The following CFAP95 variants were observed in gnomAD, a reference collection of about 807,000 sequenced individuals.
CFAP95 encodes cilia and flagella associated protein 95.
chr9:69,873,393 G>C, the CFAP95 span, among the ~76,000 whole-genome samples: 1 of 152,090 alleles, frequency 6.6e-6, no homozygotes, highest in East Asian at 1.9e-4. Context: ...CGGCATGTCT[G>C]TATCAGCTCA....
At chr9:69,843,557 C>CCTTCTTCTTCTTCTT in the CFAP95 span, among the ~76,000 whole-genome samples, 8 of 14,720 alleles carry the variant, frequency 5.4e-4, 1 homozygote, top group Non-Finnish European at 7.4e-4. Flanking sequence ...TCCTCCTCCT[C>CCTTCTTCTTCTTCTT]CTTCTTCTTC....
At chr9:69,856,254 A>G in the CFAP95 span, among the ~76,000 whole-genome samples, 1 of 152,236 alleles carries the variant, frequency 6.6e-6, no homozygotes, top group East Asian at 1.9e-4. Flanking sequence ...AAAATATACC[A>G]ACCCTGAAAA....
the CFAP95 span, among the ~76,000 whole-genome samples, chr9:69,881,746 G>T: frequency 5.7e-3 from 862 of 152,198 alleles, 13 homozygotes; most frequent in African/African-American, 0.02. Flanking sequence ...TCTGTAGATT[G>T]CTCTGGGTAA....
the CFAP95 span, among the ~76,000 whole-genome samples, chr9:69,836,630 A>G: frequency 6.6e-6 from 1 of 151,850 alleles, no homozygotes; most frequent in South Asian, 2.1e-4. Context: ...ATAGAGAATA[A>G]AAAGTATCCA....
the CFAP95 span, among the ~76,000 whole-genome samples, chr9:69,862,033 C>T: frequency 5.8e-3 from 888 of 152,254 alleles, 17 homozygotes; most frequent in African/African-American, 0.02. Flanking sequence ...GCATTCTTCT[C>T]GTTCTTGCTA....
the CFAP95 span, among the ~76,000 whole-genome samples, chr9:69,859,418 C>T: frequency 6.6e-6 from 1 of 152,026 alleles, no homozygotes; most frequent in Non-Finnish European, 1.5e-5. Flanking sequence ...TTAATGATAG[C>T]TTTAAAATTT....
chr9:69,901,472 G>A, the CFAP95 span, among the ~76,000 whole-genome samples: 4 of 152,054 alleles, frequency 2.6e-5, no homozygotes, highest in Non-Finnish European at 5.9e-5. Context: ...TAATTTGCTC[G>A]GAATGATGGT....
the CFAP95 span, chr9:69,885,201 C>T: frequency 6.6e-6 from 1 of 152,212 alleles, no homozygotes; most frequent in Non-Finnish European, 1.5e-5. Context: ...ACCAGCTCAG[C>T]CATGCGTTAA....
At chr9:69,892,565 G>A in the CFAP95 span, among the ~76,000 whole-genome samples, 1 of 152,180 alleles carries the variant, frequency 6.6e-6, no homozygotes, top group African/African-American at 2.4e-5. Flanking sequence ...GGGTAGAAGA[G>A]GGCGATCTCC....
chr9:69,888,786 G>A, the CFAP95 span, among the ~76,000 whole-genome samples: 162 of 152,182 alleles, frequency 1.1e-3, no homozygotes, highest in African/African-American at 3.6e-3. Context: ...GCTGAGGCAG[G>A]AGAATCTCTT....
At chr9:69,843,529 TCCTCCTCCTCCTCCTCCTCCTC>T in the CFAP95 span, among the ~76,000 whole-genome samples, 5 of 19,382 alleles carry the variant, frequency 2.6e-4, no homozygotes, top group African/African-American at 9.8e-4. Context: ...CTCCTCCTCC[TCCTCCTCCTCCTCCTCCTCCTC>T]CTCCTCCTTC....
At chr9:69,883,059 G>A in the CFAP95 span, among the ~76,000 whole-genome samples, 1 of 152,148 alleles carries the variant, frequency 6.6e-6, no homozygotes, top group African/African-American at 2.4e-5. Flanking sequence ...AATCAGCAGT[G>A]AAGCCCTCAT....
the CFAP95 span, among the ~76,000 whole-genome samples, chr9:69,840,596 T>C: frequency 6.6e-6 from 1 of 152,240 alleles, no homozygotes; most frequent in Non-Finnish European, 1.5e-5. Flanking sequence ...TCCTGTTTCC[T>C]TTAGAAAGCC....
chr9:69,865,646 A>G, the CFAP95 span, among the ~76,000 whole-genome samples: 1 of 152,310 alleles, frequency 6.6e-6, no homozygotes, highest in South Asian at 2.1e-4. Flanking sequence ...GTCCTGCTCC[A>G]GTTTGCAAGT....
At chr9:69,856,532 A>T in the CFAP95 span, 1 of 1,425,864 alleles carries the variant, frequency 7.0e-7, no homozygotes, top group Non-Finnish European at 9.7e-7. Context: ...CATTTTTCTT[A>T]TATGTGGCTT....
the CFAP95 span, chr9:69,902,193 T>A: frequency 5.3e-6 from 2 of 379,904 alleles, no homozygotes; most frequent in African/African-American, 4.3e-5. Context: ...TGGCACATAA[T>A]GTTGGCCCTT....
the CFAP95 span, among the ~76,000 whole-genome samples, chr9:69,828,005 A>G: frequency 2.2e-4 from 34 of 152,328 alleles, 1 homozygote; most frequent in African/African-American, 7.0e-4. Flanking sequence ...TTTAGTTTCT[A>G]AAGTGTTCTT....
chr9:69,825,800 T>C, the CFAP95 span, among the ~76,000 whole-genome samples: 3 of 152,214 alleles, frequency 2.0e-5, no homozygotes, highest in Non-Finnish European at 4.4e-5. Context: ...ATCTTTTCCT[T>C]GGCCAAATTG....
At chr9:69,859,984 A>G in the CFAP95 span, among the ~76,000 whole-genome samples, 1 of 152,232 alleles carries the variant, frequency 6.6e-6, no homozygotes, top group Non-Finnish European at 1.5e-5. Context: ...CATGCCATGC[A>G]TGTACCCTGC....
Sources: gnomAD v4.1 joint callset for allele counts (sites outside exome capture counted in the v4.1 genomes callset) on GRCh38, gnomAD v4.1.1 for gene constraint, MANE v1.5 for transcripts, NCBI Gene and HGNC (gene_info 2026-07-23, HGNC 2026-07-21) for gene names.